The following SAMD12 variants were observed in gnomAD, a reference collection of about 807,000 sequenced individuals.
SAMD12 encodes sterile alpha motif domain containing 12.
Under a neutral mutation model 15.0 loss-of-function variants are expected in SAMD12, and 9 were observed. That is an observed-to-expected ratio of 0.60 (90% CI 0.36 to 1.05). The LOEUF is 1.05. SAMD12 is among the 50% of genes least tolerant of loss of function. The probability of loss-of-function intolerance (pLI) is 0.01; values close to 1 mark genes in which losing one functional copy is unlikely to be tolerated. For missense variants in SAMD12, 230 were observed against 234.2 expected (o/e 0.98, Z 0.12); for synonymous variants, 86 against 90.1 (o/e 0.96, Z 0.25).
intron 4 of SAMD12, among the ~76,000 whole-genome samples, chr8:118,262,905 C>G (rs192559435): frequency 3.9e-5 from 6 of 152,084 alleles, no homozygotes; most frequent in Admixed American, 3.9e-4. Flanking sequence ...AACTTTAACC[C>G]AAGATTAGAC....
chr8:118,159,259 G>A, the SAMD12 span, among the ~76,000 whole-genome samples: 20 of 152,230 alleles, frequency 1.3e-4, no homozygotes, highest in Non-Finnish European at 2.4e-4. Context: ...TCCCCAGTGC[G>A]CACAGTGGAA....
At chr8:118,509,564 T>C (rs1474929255) in intron 2 of SAMD12, among the ~76,000 whole-genome samples, 6 of 152,206 alleles carry the variant, frequency 3.9e-5, no homozygotes. Flanking sequence ...GAAGTGTAGA[T>C]GTATATGATT....
chr8:118,337,938 A>G (rs1293656342), intron 4 of SAMD12, among the ~76,000 whole-genome samples: 1 of 152,218 alleles, frequency 6.6e-6, no homozygotes, highest in East Asian at 1.9e-4. Flanking sequence ...TAAATTGTGA[A>G]GAAACAAAAA....
chr8:118,322,034 C>T (rs1816312199), intron 4 of SAMD12, among the ~76,000 whole-genome samples: 2 of 152,168 alleles, frequency 1.3e-5, no homozygotes, highest in Admixed American at 1.3e-4. Context: ...CCCTCCTGTT[C>T]ACCTTACTGA....
rs1586865757 is a variant in SAMD12, at chr8:118,621,870, C to T, written c.-54G>A. ...AATTTTCTTGGCCGAGGTACTCCTC[C>T]TGCCCCGCGCTCCCCCCTTCCTCTC... On this transcript the variant is annotated 5_prime_UTR_variant, in exon 1 of 4. Transcript: ENST00000314727. 3.2e-6 allele frequency: 5 copies of T among 1,586,798 alleles called. No homozygotes were observed. The highest frequency in any genetic ancestry group is 1.1e-5 in the South Asian group (1 of 90,570).
At chr8:118,253,021 C>T (rs1812855373) in intron 4 of SAMD12, among the ~76,000 whole-genome samples, 1 of 152,136 alleles carries the variant, frequency 6.6e-6, no homozygotes, top group Non-Finnish European at 1.5e-5. Context: ...GAGCCAGGGT[C>T]CATCACAGAC....
chr8:118,182,067 G>A, the SAMD12 span, among the ~76,000 whole-genome samples: 16 of 152,088 alleles, frequency 1.1e-4, no homozygotes, highest in Admixed American at 9.2e-4. Flanking sequence ...TTGCTGCCTC[G>A]GAGGGGCATC....
At chr8:118,232,628 G>A (rs572780841) in intron 4 of SAMD12, among the ~76,000 whole-genome samples, 1 of 141,250 alleles carries the variant, frequency 7.1e-6, no homozygotes, top group East Asian at 2.0e-4. Flanking sequence ...GTTCTGCATA[G>A]CTCCTTTCTT....
the SAMD12 span, among the ~76,000 whole-genome samples, chr8:118,169,479 G>A: frequency 6.6e-6 from 1 of 152,138 alleles, no homozygotes; most frequent in African/African-American, 2.4e-5. Flanking sequence ...GCATGTTGGG[G>A]CTACATTTCT....
chr8:118,347,073 G>A (rs1204349104), intron 4 of SAMD12, among the ~76,000 whole-genome samples: 4 of 152,270 alleles, frequency 2.6e-5, no homozygotes, highest in East Asian at 1.9e-4. Context: ...CTACAAGCAC[G>A]TGCCACCATG....
intron 4 of SAMD12, among the ~76,000 whole-genome samples, chr8:118,215,104 C>T (rs1811925163): frequency 1.3e-5 from 2 of 151,960 alleles, no homozygotes; most frequent in African/African-American, 4.8e-5. Context: ...AGGACAAATC[C>T]CTCTATTTGA....
intron 2 of SAMD12, among the ~76,000 whole-genome samples, chr8:118,475,705 C>G (rs1194527173): frequency 6.6e-6 from 1 of 152,176 alleles, no homozygotes; most frequent in Non-Finnish European, 1.5e-5. Flanking sequence ...GTGAGGCTTA[C>G]TACACACAAA....
chr8:118,621,729 A>C, intron 1 of SAMD12, 75 bp downstream of exon 1: 1 of 1,554,160 alleles, frequency 6.4e-7, no homozygotes, highest in Admixed American at 1.7e-5. Context: ...CACGATCGCC[A>C]AGCTTCATCG....
intron 4 of SAMD12, among the ~76,000 whole-genome samples, chr8:118,345,390 G>T (rs1333359165): frequency 6.6e-6 from 1 of 152,124 alleles, no homozygotes; most frequent in Non-Finnish European, 1.5e-5. Flanking sequence ...AGCAATGCAT[G>T]ACTGTATAAG....
intron 4 of SAMD12, among the ~76,000 whole-genome samples, chr8:118,230,778 GA>G (rs113089204): frequency 2.8e-4 from 43 of 152,308 alleles, no homozygotes; most frequent in African/African-American, 1.0e-3. Context: ...AGAAAGGAAA[GA>G]AGGCTGGTGT....
intron 4 of SAMD12, among the ~76,000 whole-genome samples, chr8:118,338,399 T>C (rs1421837351): frequency 6.6e-6 from 1 of 152,232 alleles, no homozygotes; most frequent in African/African-American, 2.4e-5. Flanking sequence ...ATATTTGATA[T>C]CAATTCTTAT....
chr8:118,479,422 C>T (rs893758026), intron 2 of SAMD12, among the ~76,000 whole-genome samples: 6 of 152,144 alleles, frequency 3.9e-5, no homozygotes, highest in African/African-American at 7.2e-5. Flanking sequence ...TACATGGCAG[C>T]GGCAAGAAAG....
At chr8:118,437,620 C>T (rs919183475) in intron 3 of SAMD12, among the ~76,000 whole-genome samples, 3 of 152,048 alleles carry the variant, frequency 2.0e-5, no homozygotes, top group African/African-American at 7.2e-5. Context: ...AAGTAACTTG[C>T]CCAGGTTAAT....
At chr8:118,252,852 T>C (rs1812851069) in intron 4 of SAMD12, among the ~76,000 whole-genome samples, 1 of 152,168 alleles carries the variant, frequency 6.6e-6, no homozygotes, top group Admixed American at 6.5e-5. Flanking sequence ...ATAAGGCAAG[T>C]CCCACCTTTT....
Sources: allele counts gnomAD v4.1 joint callset (sites outside exome capture counted in the v4.1 genomes callset), GRCh38; gene constraint gnomAD v4.1.1; transcripts MANE v1.5; gene names NCBI Gene and HGNC (gene_info 2026-07-23, HGNC 2026-07-21).